GDPD5: variants seen among roughly 807,000 people sequenced by gnomAD.
GDPD5 encodes glycerophosphodiester phosphodiesterase domain containing 5.
In GDPD5, 48 loss-of-function variants were observed where a neutral mutation model predicts 75.1. The observed-to-expected ratio is 0.64, with a 90% CI of 0.51 to 0.81. The LOEUF (loss-of-function observed/expected upper bound fraction) is 0.81. GDPD5 is among the 40% of genes least tolerant of loss of function. The pLI is 0.00. For missense variants in GDPD5, 706 were observed against 822.6 expected (o/e 0.86, Z 1.73); for synonymous variants, 336 against 339.0 (o/e 0.99, Z 0.10).
In GDPD5 at chr11:75,512,427, A is replaced by C. The variant is rs2135489049; in HGVS notation, c.-145+12783T>G. 2.6e-5 allele frequency among the ~76,000 whole-genome samples: 4 copies of C among 152,156 alleles called. No individual in the cohort carries two copies. The South Asian group carries it at 8.3e-4, about 32-fold the overall frequency. On this transcript the variant is annotated intron_variant, in intron 1 of 16. Coordinates refer to ENST00000336898, the MANE Select transcript of GDPD5 (RefSeq NM_030792.8). The stretch of plus-strand genomic sequence containing the variant: ...AGAGCCAGAAACCAGAGTTGAACAC[A>C]TGCAGCAGCCCAGGGTCATCTGGCA...
chr11:75,467,995 C>A (rs1340524993), intron 3 of GDPD5, among the ~76,000 whole-genome samples: 1 of 152,152 alleles, frequency 6.6e-6, no homozygotes, highest in Non-Finnish European at 1.5e-5. Context: ...ACCTCATTAG[C>A]AGCGGGGGCT....
intron 3 of GDPD5, among the ~76,000 whole-genome samples, chr11:75,475,669 G>A (rs551738056): frequency 1.2e-4 from 18 of 152,342 alleles, no homozygotes; most frequent in Admixed American, 1.2e-3. Context: ...GGGCGGGGGA[G>A]CAGAGGATGC....
chr11:75,454,847 G>GT (rs1455678967), intron 6 of GDPD5, among the ~76,000 whole-genome samples: 3 of 152,218 alleles, frequency 2.0e-5, no homozygotes, highest in African/African-American at 7.2e-5. Context: ...TCATGTCGAT[G>GT]TATTACATGG....
intron 10 of GDPD5, 147 bp downstream of exon 10, chr11:75,444,266 A>T: frequency 1.6e-6 from 1 of 628,544 alleles, no homozygotes; most frequent in South Asian, 1.8e-5. Context: ...CTGCAGGAAC[A>T]GGGTGCCTGC....
At chr11:75,495,806 G>T (rs1950198170) in intron 1 of GDPD5, among the ~76,000 whole-genome samples, 1 of 152,182 alleles carries the variant, frequency 6.6e-6, no homozygotes, top group Non-Finnish European at 1.5e-5. Flanking sequence ...GGAGAGGCCT[G>T]TCCACTCCCC....
At chr11:75,457,627 A>G (rs1384341065) in intron 5 of GDPD5, 66 bp downstream of exon 5, 1 of 1,354,758 alleles carries the variant, frequency 7.4e-7, no homozygotes, top group African/African-American at 1.4e-5. Context: ...CCATCAGCCC[A>G]GCACAGGGCC....
intron 1 of GDPD5, among the ~76,000 whole-genome samples, chr11:75,499,584 T>C (rs1222804726): frequency 6.6e-6 from 1 of 152,070 alleles, no homozygotes; most frequent in Admixed American, 6.6e-5. Context: ...TGAAAACAAG[T>C]TGTAAAAATA....
At chr11:75,517,582 C>T (rs1486175598) in intron 1 of GDPD5, among the ~76,000 whole-genome samples, 1 of 152,202 alleles carries the variant, frequency 6.6e-6, no homozygotes, top group Non-Finnish European at 1.5e-5. Flanking sequence ...TAGTAAAACC[C>T]CATGGCTCAT....
rs1592045047 is a variant in GDPD5, at chr11:75,435,572, T to G, written c.1753A>C (p.Thr585Pro). Residue 585 changes from threonine (T) to proline (P), a missense_variant, in exon 17 of 17, where the codon ACC becomes CCC. Transcript: ENST00000336898. Reference protein sequence around the residue: ...SYDTYANSTATPVGPRGGGSH... With the variant: ...SYDTYANSTAPPVGPRGGGSH... ...CCACCCCCTCGGGGGCCCACAGGGG[T>G]GGCGGTGCTGTTGGCATATGTGTCA... 6.2e-7 allele frequency: 1 copy of G among 1,613,222 alleles called. No individual in the cohort carries two copies. Among genetic ancestry groups the G allele is most frequent in the Non-Finnish European group, 8.5e-7 (1 of 1,179,736 alleles).
chr11:75,435,486 G>A lies in GDPD5; in HGVS notation c.*21C>T. On this transcript the variant is annotated 3_prime_UTR_variant, in exon 17 of 17. Transcript: ENST00000336898. ...TCCCCAGCTTCTGTGTCAGGTACAG[G>A]TGGGACAGACATGTCTTCAGCTAAC... 1 of 1,574,142 alleles carries A rather than the reference G, an allele frequency of 6.4e-7. No homozygotes were observed. The highest frequency in any genetic ancestry group is 1.7e-4 in the Middle Eastern group (1 of 5,866).
chr11:75,435,687 C>T (rs376454689), intron 16 of GDPD5, 32 bp from the exon 17 acceptor site: 17 of 1,563,200 alleles, frequency 1.1e-5, no homozygotes, highest in Middle Eastern at 1.7e-4. Context: ...GAATGTGAGT[C>T]GGGGAGGAGG....
chr11:75,512,722 A>T (rs1950551141), intron 1 of GDPD5, among the ~76,000 whole-genome samples: 1 of 151,954 alleles, frequency 6.6e-6, no homozygotes, highest in African/African-American at 2.4e-5. Flanking sequence ...TCCAGACCAG[A>T]CTGACCAACA....
chr11:75,450,712 T>C (rs12421913), intron 6 of GDPD5: 22,605 of 152,170 alleles, frequency 0.15, 2,126 homozygotes, highest in African/African-American at 0.26. Context: ...CTGAAATCTT[T>C]AACCACGTGA....
At chr11:75,442,764 C>T (rs1456891232) in intron 11 of GDPD5, 183 bp from the exon 12 acceptor site, 5 of 619,142 alleles carry the variant, frequency 8.1e-6, no homozygotes, top group Non-Finnish European at 1.4e-5. Flanking sequence ...CTACCCCACA[C>T]CCTGCTTACC....
chr11:75,520,423 T>C (rs1950732948), intron 1 of GDPD5, among the ~76,000 whole-genome samples: 1 of 152,108 alleles, frequency 6.6e-6, no homozygotes, highest in Non-Finnish European at 1.5e-5. Flanking sequence ...TTGCACTGCC[T>C]CCCCTGGCCC....
At position 75,449,122 on chromosome 11, in the gene GDPD5, G is replaced by A. The variant is rs1203080299; in HGVS notation, c.569C>T (p.Ser190Phe). The A allele has an allele frequency of 1.9e-6, 3 of 1,579,690 alleles. No individual in the cohort carries two copies. Among genetic ancestry groups the A allele is most frequent in the African/African-American group, 1.3e-5 (1 of 74,164 alleles). Residue 190 changes from serine (S) to phenylalanine (F), a missense_variant and splice_region_variant, in exon 9 of 17, where the codon TCC (serine) becomes TTC (phenylalanine). Physicochemically the swap from Ser to Phe is radical, Grantham distance 155. Coordinates refer to ENST00000336898, the MANE Select transcript of GDPD5 (RefSeq NM_030792.8). ...GGTACAGAGAATGGTCACCTGGGAG[G>A]CTGCAGATAAGGGGCCGTGAGTGCT... Reference protein sequence around the residue: ...AGQFARAERTSSQVTILCTFF... With the variant: ...AGQFARAERTFSQVTILCTFF...
chr11:75,441,584 G>C, intron 13 of GDPD5, 62 bp downstream of exon 13: 1 of 1,433,008 alleles, frequency 7.0e-7, no homozygotes, highest in Non-Finnish European at 9.4e-7. Flanking sequence ...GGGTGGTGGT[G>C]GCAGGACTGG....
At chr11:75,476,155 G>A (rs1313991239) in intron 3 of GDPD5, among the ~76,000 whole-genome samples, 1 of 152,136 alleles carries the variant, frequency 6.6e-6, no homozygotes, top group Non-Finnish European at 1.5e-5. Flanking sequence ...GACCTCCATT[G>A]CCCAGGTCCA....
chr11:75,452,263 C>T (rs12289922), intron 6 of GDPD5: 1 of 152,262 alleles, frequency 6.6e-6, no homozygotes, highest in East Asian at 1.9e-4. Flanking sequence ...GGTCTTCAGT[C>T]GAATCCTGGC....
Sources: gnomAD v4.1 joint callset for allele counts (sites outside exome capture counted in the v4.1 genomes callset) on GRCh38, gnomAD v4.1.1 for gene constraint, MANE v1.5 for transcripts, NCBI Gene and HGNC (gene_info 2026-07-23, HGNC 2026-07-21) for gene names.